SUPT4H1: variants seen among roughly 807,000 people sequenced by gnomAD.
SUPT4H1 encodes the protein transcription elongation factor SPT4.
SUPT4H1 carries 12 observed loss-of-function variants against 19.4 expected under a neutral mutation model. The ratio of observed to expected loss-of-function variants is 0.62; its 90% CI spans 0.40 to 1.00. The LOEUF (loss-of-function observed/expected upper bound fraction) is 1.00, where lower values mean the gene tolerates loss of function less well. Among genes scored for constraint, SUPT4H1 ranks in the 50% least tolerant of loss-of-function variants. SUPT4H1 has a pLI of 0.00. For synonymous variants in SUPT4H1, 58 were observed against 56.3 expected, an observed-to-expected ratio of 1.03 and a Z score of -0.14; for missense variants, 115 against 149.2, an observed-to-expected ratio of 0.77 and a Z score of 1.19.
intron 4 of SUPT4H1, among the ~76,000 whole-genome samples, chr17:58,346,625 A>C (rs1972298379): frequency 6.8e-6 from 1 of 146,548 alleles, no homozygotes; most frequent in South Asian, 2.2e-4. Context: ...TGGGAGGCTG[A>C]GGCGGGAGGA....
chr17:58,346,151 AG>A lies in SUPT4H1; in HGVS notation c.*94del. The A allele has an allele frequency of 1.0e-6, 1 of 968,402 alleles. No homozygotes were observed. The highest frequency in any genetic ancestry group is 1.7e-6 in the Non-Finnish European group (1 of 599,910). 60.0% of individuals were successfully genotyped at this position (968,402 alleles called of 1,614,324 possible). A position where few individuals can be genotyped will look rare whatever the true frequency, so the allele number is the denominator to read the frequency against. On this transcript the variant is annotated 3_prime_UTR_variant, in exon 5 of 5. Coordinates refer to ENST00000225504, the MANE Select transcript of SUPT4H1 (RefSeq NM_003168.3). ...GTCAGCTGAGTCTGAATTGGAGGGT[AG>A]GAAGTATTTGAAGTTCTGTTCATTT... is the stretch of plus-strand genomic sequence containing the variant.
In SUPT4H1 at chr17:58,351,480, C is replaced by A. The variant is rs1379159371; in HGVS notation, c.98G>T (p.Cys33Phe). Reference protein sequence around the residue: ...KTIDQFEYDGCDNCDAYLQMK... With the variant: ...KTIDQFEYDGFDNCDAYLQMK... ...TTGTAGATATGCATCACAATTGTCA[C>A]AACCATCATATTCAAACTGGTCTAT... Residue 33 changes from cysteine to phenylalanine, a missense_variant, in exon 2 of 5, where the codon TGT becomes TTT. By Grantham distance (205) the Cys-to-Phe change is radical. Transcript: ENST00000225504. 3 of 1,613,764 alleles carry A rather than the reference C, an allele frequency of 1.9e-6. No homozygotes were observed. Among genetic ancestry groups the A allele is most frequent in the Non-Finnish European group, 2.5e-6 (3 of 1,179,762 alleles).
chr17:58,351,251 CAAAAAA>C (rs565767343), intron 2 of SUPT4H1, 145 bp downstream of exon 2: 1,024 of 367,596 alleles, frequency 2.8e-3, no homozygotes, highest in South Asian at 3.7e-3. Flanking sequence ...AACCCTGATT[CAAAAAA>C]AAAAAAAAAA....
chr17:58,346,718 CAA>C (rs33965188), intron 4 of SUPT4H1, among the ~76,000 whole-genome samples: 2 of 72,210 alleles, frequency 2.8e-5, no homozygotes, highest in Non-Finnish European at 2.5e-5. Context: ...GACTCTGTCT[CAA>C]AAAAAAAAAA....
At chr17:58,346,891 A>C (rs1972311296) in intron 4 of SUPT4H1, among the ~76,000 whole-genome samples, 1 of 152,224 alleles carries the variant, frequency 6.6e-6, no homozygotes, top group East Asian at 1.9e-4. Context: ...AGGTGGGAGG[A>C]GCACATGAGC....
Position 58,346,378 on chromosome 17 carries a change from T to C in SUPT4H1, c.287-65A>G, listed in dbSNP as rs1367156039. On this transcript the variant is annotated intron_variant, in intron 4 of 4. Transcript: ENST00000225504. ...AGAAGGGTAAGATAGGCCACTCAGC[T>C]GCCACCTTGAGGGGGGTACTATAAG... 2.9e-6 allele frequency: 4 copies of C among 1,395,908 alleles called. No homozygotes were observed. In the African/African-American group the frequency reaches 5.7e-5, roughly 20 times the overall value. The allele number at this position is 1,395,908 out of a possible 1,614,324, so 86.5% of individuals were successfully genotyped here.
At position 58,351,999 on chromosome 17, in the gene SUPT4H1, C is replaced by G. The variant is rs754532390; in HGVS notation, c.69+68G>C. ...AACTTTTCTCTTTACTGTCCCACAG[C>G]CCCATTCCGCCCTCTTTCCCCGACC... On this transcript the variant is annotated intron_variant, in intron 1 of 4. Transcript: ENST00000225504. 4 of 1,534,560 alleles carry G rather than the reference C, an allele frequency of 2.6e-6. No individual in the cohort carries two copies. The South Asian group carries it at 4.5e-5, about 17-fold the overall frequency.
At chr17:58,347,032 T>G (rs965078871) in intron 4 of SUPT4H1, among the ~76,000 whole-genome samples, 156 bp downstream of exon 4, 1 of 152,194 alleles carries the variant, frequency 6.6e-6, no homozygotes, top group Non-Finnish European at 1.5e-5. Flanking sequence ...TACTACCTGG[T>G]GACCTCCAGC....
intron 2 of SUPT4H1, among the ~76,000 whole-genome samples, chr17:58,350,987 C>T (rs1215894704): frequency 6.6e-6 from 1 of 151,836 alleles, no homozygotes; most frequent in Admixed American, 6.6e-5. Context: ...TCTTTGAAAT[C>T]TGGGGTATAT....
chr17:58,351,903 C>A (rs116089788), intron 1 of SUPT4H1, 164 bp downstream of exon 1: 12,741 of 701,080 alleles, frequency 0.018, 194 homozygotes, highest in Middle Eastern at 0.06. Context: ...GACCTGTCCG[C>A]GATCCTACGA....
rs1972285234 is a variant in SUPT4H1 at position 58,346,306 on chromosome 17, C to CA, written c.293dup (p.Arg99AlafsTer45). The CA allele has an allele frequency of 6.2e-7, 1 of 1,613,944 alleles. No homozygotes were observed. Among genetic ancestry groups the CA allele is most frequent in the African/African-American group, 1.3e-5 (1 of 74,992 alleles). On this transcript the variant is annotated frameshift_variant, in exon 5 of 5. Coordinates refer to ENST00000225504, the MANE Select transcript of SUPT4H1 (RefSeq NM_003168.3). LOFTEE classifies it high-confidence loss of function. The stretch of plus-strand genomic sequence containing the variant: ...CCACTCCTCGACTTTTCAGCTCCCG[C>CA]ACGATTCCTGAAGCAGGAAAAGAAA...
rs1490569317 is a variant in SUPT4H1, at chr17:58,345,331, GA to G, written c.*914del. Reference sequence around the variant, plus strand: ...CTTAGGGAAATCAAAATGGGGATACGAACAGGATTTCTGTGGAAATTTAAAT... The same window carrying G: ...CTTAGGGAAATCAAAATGGGGATACGACAGGATTTCTGTGGAAATTTAAAT... On this transcript the variant is annotated 3_prime_UTR_variant, in exon 5 of 5. Coordinates refer to ENST00000225504, the MANE Select transcript of SUPT4H1 (RefSeq NM_003168.3). The G allele has an allele frequency of 6.6e-6, 1 of 152,084 alleles. No homozygotes were observed. The highest frequency in any genetic ancestry group is 1.9e-4 in the East Asian group (1 of 5,190). The allele number at this position is 152,084 out of a possible 1,614,324, so 9.4% of individuals were successfully genotyped here.
At chr17:58,346,416 CCTAGA>C in intron 4 of SUPT4H1, 103 bp from the exon 5 acceptor site, 1 of 903,162 alleles carries the variant, frequency 1.1e-6, no homozygotes, top group Admixed American at 1.8e-5. Context: ...AACTGGAGTT[CCTAGA>C]CTACTTATCA....
intron 2 of SUPT4H1, among the ~76,000 whole-genome samples, chr17:58,350,786 A>C (rs1972476486): frequency 6.9e-6 from 1 of 144,530 alleles, no homozygotes; most frequent in African/African-American, 2.5e-5. Flanking sequence ...CAGTGAGCCG[A>C]GACTGCACCA....
intron 2 of SUPT4H1, among the ~76,000 whole-genome samples, chr17:58,350,796 A>G (rs1422009860): frequency 7.3e-6 from 1 of 136,886 alleles, no homozygotes; most frequent in Non-Finnish European, 1.5e-5. Flanking sequence ...AGACTGCACC[A>G]TTGCACTCCA....
intron 4 of SUPT4H1, 110 bp from the exon 5 acceptor site, chr17:58,346,423 T>C: frequency 2.3e-6 from 2 of 857,456 alleles, no homozygotes; most frequent in Non-Finnish European, 3.9e-6. Context: ...GTTCCTAGAC[T>C]ACTTATCAAT....
At chr17:58,349,079 A>G (rs926238787) in intron 2 of SUPT4H1, among the ~76,000 whole-genome samples, 7 of 152,170 alleles carry the variant, frequency 4.6e-5, no homozygotes, top group African/African-American at 1.7e-4. Flanking sequence ...GGATGGGGAG[A>G]AATTAGAACC....
At chr17:58,350,836 CAAAAAAAAAA>C (rs35040111) in intron 2 of SUPT4H1, among the ~76,000 whole-genome samples, 1 of 81,906 alleles carries the variant, frequency 1.2e-5, no homozygotes, top group Non-Finnish European at 2.2e-5. Context: ...AAAGTCTGTC[CAAAAAAAAAA>C]AAAAAAAAAA....
chr17:58,346,389 G>GGGTACTATATA, intron 4 of SUPT4H1, 76 bp from the exon 5 acceptor site: 3 of 1,251,312 alleles, frequency 2.4e-6, no homozygotes, highest in African/African-American at 2.9e-5. Context: ...GCCACCTTGA[G>GGGTACTATATA]GGGGGTACTA....
Sources: allele counts gnomAD v4.1 joint callset (sites outside exome capture counted in the v4.1 genomes callset), GRCh38; gene constraint gnomAD v4.1.1; transcripts MANE v1.5; gene names NCBI Gene and HGNC (gene_info 2026-07-23, HGNC 2026-07-21).